NRXN1: variants seen among roughly 807,000 people sequenced by gnomAD.
NRXN1 encodes neurexin 1.
NRXN1 carries 39 observed loss-of-function variants against 150.9 expected under a neutral mutation model. The ratio of observed to expected loss-of-function variants is 0.26; its 90% CI spans 0.20 to 0.34. The LOEUF (loss-of-function observed/expected upper bound fraction) is 0.34, where lower values mean the gene tolerates loss of function less well. NRXN1 is among the 10% of genes least tolerant of loss of function. The pLI is 1.00. For missense variants in NRXN1, 1,815 were observed against 1,949.9 expected (o/e 0.93, Z 1.30); for synonymous variants, 924 against 757.0 (o/e 1.22, Z -3.62).
intron 8 of NRXN1, among the ~76,000 whole-genome samples, chr2:50,579,998 A>T (rs1472676809): frequency 6.6e-6 from 1 of 152,152 alleles, no homozygotes; most frequent in Non-Finnish European, 1.5e-5. Context: ...TATTTGCTTT[A>T]TTTCCCTTCT....
intron 5 of NRXN1, among the ~76,000 whole-genome samples, chr2:50,845,559 G>A (rs1673519684): frequency 6.6e-6 from 1 of 152,080 alleles, no homozygotes; most frequent in Admixed American, 6.5e-5. Flanking sequence ...TTATTCACTT[G>A]TTAACTCTCT....
intron 21 of NRXN1, among the ~76,000 whole-genome samples, chr2:49,992,327 C>A (rs1682112542): frequency 6.6e-6 from 1 of 151,338 alleles, no homozygotes; most frequent in Non-Finnish European, 1.5e-5. Flanking sequence ...ATCATGAGGT[C>A]AGGAAATTGA....
rs541277845 is a variant in NRXN1 at position 51,000,259 on chromosome 2, G to A, written c.772+27243C>T. On this transcript the variant is annotated intron_variant, in intron 2 of 22. Coordinates refer to ENST00000401669, the MANE Select transcript of NRXN1 (RefSeq NM_001330078.2). ...GTTCACCCTCGCTGAAATAGTAACC[G>A]CCCTTATCCATTCTCTATGTCCTTA... Among the ~76,000 whole-genome samples the A allele has an allele frequency of 3.9e-5, 6 of 151,992 alleles. 1 individual carries two copies. Among genetic ancestry groups the A allele is most frequent in the East Asian group, 3.9e-4 (2 of 5,118 alleles).
intron 21 of NRXN1, among the ~76,000 whole-genome samples, chr2:50,039,292 C>T (rs1221764789): frequency 6.6e-6 from 1 of 152,094 alleles, no homozygotes; most frequent in Non-Finnish European, 1.5e-5. Flanking sequence ...ATGGTGAAAT[C>T]CTGTCTCTAC....
chr2:50,671,354 T>C (rs1688817130), intron 5 of NRXN1, among the ~76,000 whole-genome samples: 2 of 151,676 alleles, frequency 1.3e-5, no homozygotes, highest in South Asian at 4.1e-4. Flanking sequence ...AAATACATTT[T>C]TTTTCTGTGT....
chr2:49,974,989 A>G (rs1678694803), intron 21 of NRXN1, among the ~76,000 whole-genome samples: 1 of 151,914 alleles, frequency 6.6e-6, no homozygotes, highest in African/African-American at 2.4e-5. Context: ...CACATCTGGA[A>G]TACCATATGG....
chr2:51,026,927 T>G (rs1228703558), intron 2 of NRXN1, among the ~76,000 whole-genome samples: 1 of 152,070 alleles, frequency 6.6e-6, no homozygotes, highest in Non-Finnish European at 1.5e-5. Context: ...GAAAAGCAGG[T>G]TTTTACCGCT....
At chr2:50,636,896 A>G (rs555393333) in intron 5 of NRXN1, among the ~76,000 whole-genome samples, 1 of 152,324 alleles carries the variant, frequency 6.6e-6, no homozygotes, top group East Asian at 1.9e-4. Context: ...CATAGAAAAT[A>G]AAATATTTTA....
chr2:50,202,471 A>G (rs2062244964), intron 18 of NRXN1, among the ~76,000 whole-genome samples: 2 of 151,956 alleles, frequency 1.3e-5, no homozygotes, highest in Admixed American at 1.3e-4. Flanking sequence ...ATGCTACTAC[A>G]TTCCAGCCTG....
At chr2:50,919,257 T>A (rs1685649383) in intron 5 of NRXN1, 1 of 151,728 alleles carries the variant, frequency 6.6e-6, no homozygotes, top group Non-Finnish European at 1.5e-5. Flanking sequence ...CACAGAAGGA[T>A]CAACATCAAC....
chr2:50,137,749 G>A (rs1485854886), intron 18 of NRXN1, among the ~76,000 whole-genome samples: 1 of 152,124 alleles, frequency 6.6e-6, no homozygotes, highest in African/African-American at 2.4e-5. Flanking sequence ...TTGATTGGAA[G>A]TAAAAGATAT....
intron 17 of NRXN1, among the ~76,000 whole-genome samples, chr2:50,322,819 T>G (rs2076137622): frequency 6.6e-6 from 1 of 152,218 alleles, no homozygotes; most frequent in South Asian, 2.1e-4. Flanking sequence ...AAACACAGTC[T>G]ATTCCTTGAC....
chr2:50,894,173 G>C (rs909909546), intron 5 of NRXN1, among the ~76,000 whole-genome samples: 7 of 151,452 alleles, frequency 4.6e-5, no homozygotes, highest in Middle Eastern at 3.4e-3. Context: ...GCACCAGCAT[G>C]GCACATGTAT....
intron 5 of NRXN1, among the ~76,000 whole-genome samples, chr2:50,630,145 T>C (rs772738666): frequency 3.1e-4 from 47 of 151,618 alleles, no homozygotes; most frequent in Non-Finnish European, 6.2e-4. Flanking sequence ...AAATTCACAG[T>C]TCTTGCTCAT....
chr2:49,991,599 A>C (rs1476932257), intron 21 of NRXN1, among the ~76,000 whole-genome samples: 1 of 152,180 alleles, frequency 6.6e-6, no homozygotes, highest in Non-Finnish European at 1.5e-5. Context: ...CTAGTAAGTA[A>C]ATAATGGATA....
At chr2:50,585,835 C>A (rs1411472495) in intron 8 of NRXN1, among the ~76,000 whole-genome samples, 1 of 152,134 alleles carries the variant, frequency 6.6e-6, no homozygotes, top group Non-Finnish European at 1.5e-5. Context: ...TTGCCATGAA[C>A]CCTGTTCTTT....
intron 18 of NRXN1, among the ~76,000 whole-genome samples, chr2:50,149,731 AC>A (rs1177010517): frequency 6.6e-6 from 1 of 151,766 alleles, no homozygotes; most frequent in Non-Finnish European, 1.5e-5. Flanking sequence ...AGTGCCAAGC[AC>A]ATAATAAACA....
chr2:50,427,436 A>T (rs2084586776), intron 17 of NRXN1, among the ~76,000 whole-genome samples: 1 of 151,682 alleles, frequency 6.6e-6, no homozygotes, highest in Admixed American at 6.6e-5. Context: ...ATATCTGGAA[A>T]TGGCAGAAAT....
intron 21 of NRXN1, among the ~76,000 whole-genome samples, chr2:49,954,598 A>G (rs921135091): frequency 1.3e-5 from 2 of 152,280 alleles, no homozygotes. Context: ...AGGGAGAGAG[A>G]AAGACTGAAT....
Sources: allele counts gnomAD v4.1 joint callset (sites outside exome capture counted in the v4.1 genomes callset), GRCh38; gene constraint gnomAD v4.1.1; transcripts MANE v1.5; gene names NCBI Gene and HGNC (gene_info 2026-07-23, HGNC 2026-07-21).